The following MEI4 variants were observed in gnomAD, a reference collection of about 807,000 sequenced individuals.
MEI4 encodes the protein meiosis-specific protein MEI4.
In MEI4, 27 loss-of-function variants were observed where a neutral mutation model predicts 31.4. The observed-to-expected ratio is 0.86, with a 90% CI of 0.63 to 1.19. MEI4 has a LOEUF of 1.19. MEI4 is among the 50% of genes most tolerant of loss of function. The pLI is 0.00. For missense variants in MEI4, 329 were observed against 398.9 expected (o/e 0.82, Z 1.49); for synonymous variants, 122 against 145.4 (o/e 0.84, Z 1.16).
chr6:77,692,612 A>G (rs1278895960), intron 2 of MEI4, among the ~76,000 whole-genome samples: 1 of 152,106 alleles, frequency 6.6e-6, no homozygotes, highest in Non-Finnish European at 1.5e-5. Context: ...ATAAATTCAG[A>G]GTAGACACTT....
intron 2 of MEI4, 77 bp from the exon 3 acceptor site, chr6:77,761,048 TTAAGA>T: frequency 1.1e-6 from 1 of 949,804 alleles, no homozygotes; most frequent in Non-Finnish European, 1.4e-6. Context: ...ATTTCTTATT[TTAAGA>T]TAAGTATCAA....
At chr6:77,709,277 A>G (rs1016197336) in intron 2 of MEI4, among the ~76,000 whole-genome samples, 5 of 152,194 alleles carry the variant, frequency 3.3e-5, no homozygotes, top group Non-Finnish European at 5.9e-5. Context: ...ATTCCTCATT[A>G]CTTTTAAAAA....
chr6:77,871,426 T>A (rs968960604), intron 4 of MEI4, among the ~76,000 whole-genome samples: 1 of 152,202 alleles, frequency 6.6e-6, no homozygotes, highest in African/African-American at 2.4e-5. Context: ...AAAGTTGTTT[T>A]CTTTGAATAA....
chr6:77,729,631 T>TAC (rs1766920040), intron 2 of MEI4, among the ~76,000 whole-genome samples: 1 of 152,178 alleles, frequency 6.6e-6, no homozygotes. Context: ...AGCAAAGCAG[T>TAC]ACTTTACAGA....
At chr6:77,730,717 G>A (rs902871019) in intron 2 of MEI4, among the ~76,000 whole-genome samples, 26 of 151,854 alleles carry the variant, frequency 1.7e-4, no homozygotes, top group Admixed American at 4.6e-4. Context: ...ATGCTGGTGC[G>A]CTGCACCCAC....
At chr6:77,831,550 C>G (rs9361295) in intron 4 of MEI4, among the ~76,000 whole-genome samples, 1 of 150,504 alleles carries the variant, frequency 6.6e-6, no homozygotes, top group African/African-American at 2.4e-5. Flanking sequence ...TCCTCTCTCT[C>G]TATATATAAT....
chr6:77,821,902 A>G (rs751645615), intron 3 of MEI4, among the ~76,000 whole-genome samples: 142 of 151,104 alleles, frequency 9.4e-4, no homozygotes, highest in Non-Finnish European at 1.5e-3. Context: ...ACCAGTCTCT[A>G]CATTTCACTA....
At chr6:77,745,790 C>G (rs565829291) in intron 2 of MEI4, among the ~76,000 whole-genome samples, 121 of 152,292 alleles carry the variant, frequency 7.9e-4, no homozygotes, top group Non-Finnish European at 1.3e-3. Flanking sequence ...ACAGTGCAAT[C>G]AAACTAGAAC....
intron 3 of MEI4, among the ~76,000 whole-genome samples, chr6:77,816,204 T>C (rs916415194): frequency 1.3e-5 from 2 of 152,150 alleles, no homozygotes; most frequent in Non-Finnish European, 2.9e-5. Context: ...GTATTCTAGA[T>C]ACTGTCTACT....
At chr6:77,822,211 C>T (rs1562002284) in intron 3 of MEI4, among the ~76,000 whole-genome samples, 1 of 152,104 alleles carries the variant, frequency 6.6e-6, no homozygotes, top group Non-Finnish European at 1.5e-5. Flanking sequence ...GGTTGATTGT[C>T]CAGTCAGTGA....
chr6:77,780,839 AT>A (rs1768577593), intron 3 of MEI4, among the ~76,000 whole-genome samples: 1 of 152,056 alleles, frequency 6.6e-6, no homozygotes, highest in African/African-American at 2.4e-5. Context: ...GTATGTCAGG[AT>A]CATCATGCCA....
chr6:77,695,434 T>A (rs2127653871), intron 2 of MEI4, among the ~76,000 whole-genome samples: 1 of 152,356 alleles, frequency 6.6e-6, no homozygotes, highest in African/African-American at 2.4e-5. Context: ...TTGAATTAAT[T>A]CTTGTATAAG....
At position 77,776,976 on chromosome 6, in the gene MEI4, A is replaced by T. The variant is rs150222273; in HGVS notation, c.768+15311A>T. ...TATGTAGTAGTCCAGGTGAGAGTGG[A>T]TAGTGGCTTATTTTGGTGCTGTAAG... On this transcript the variant is annotated intron_variant, in intron 3 of 4. Transcript: ENST00000684080. Among the ~76,000 whole-genome samples, 213 of 152,300 alleles carry T rather than the reference A, an allele frequency of 1.4e-3. 1 individual carries two copies. Among genetic ancestry groups the T allele is most frequent in the African/African-American group, 4.5e-3 (187 of 41,576 alleles).
chr6:77,851,563 C>T (rs1770621845), intron 4 of MEI4, among the ~76,000 whole-genome samples: 1 of 138,334 alleles, frequency 7.2e-6, no homozygotes, highest in African/African-American at 2.8e-5. Context: ...TGTTCTCGCT[C>T]ATAGGTGGGA....
intron 2 of MEI4, among the ~76,000 whole-genome samples, chr6:77,712,558 G>A (rs765175043): frequency 6.6e-6 from 1 of 152,162 alleles, no homozygotes; most frequent in African/African-American, 2.4e-5. Context: ...GGCTTAGAAT[G>A]CCATGCTTAA....
chr6:77,758,950 C>T (rs1348089364), intron 2 of MEI4, among the ~76,000 whole-genome samples: 2 of 152,184 alleles, frequency 1.3e-5, no homozygotes, highest in Non-Finnish European at 2.9e-5. Context: ...CACTTCCAGT[C>T]TTCACTTACT....
At chr6:77,653,649 G>GA (rs1460073020) in intron 1 of MEI4, among the ~76,000 whole-genome samples, 2 of 152,072 alleles carry the variant, frequency 1.3e-5, no homozygotes, top group African/African-American at 2.4e-5. Context: ...GATCTTTTCT[G>GA]AAAAATGGGC....
intron 2 of MEI4, among the ~76,000 whole-genome samples, chr6:77,746,711 C>G (rs916952914): frequency 2.0e-5 from 3 of 151,250 alleles, no homozygotes; most frequent in Admixed American, 6.6e-5. Context: ...CTCTGAAAAA[C>G]CCTAATAAAG....
At chr6:77,875,902 G>A (rs1402447856) in intron 4 of MEI4, among the ~76,000 whole-genome samples, 1 of 151,980 alleles carries the variant, frequency 6.6e-6, no homozygotes, top group Non-Finnish European at 1.5e-5. Flanking sequence ...TTATTTTTTT[G>A]ACAAAGAAAT....
Sources: gnomAD v4.1 joint callset for allele counts (sites outside exome capture counted in the v4.1 genomes callset) on GRCh38, gnomAD v4.1.1 for gene constraint, MANE v1.5 for transcripts, NCBI Gene and HGNC (gene_info 2026-07-23, HGNC 2026-07-21) for gene names.